The following HDAC5 variants were observed in gnomAD, a reference collection of about 807,000 sequenced individuals.
HDAC5 encodes the protein antigen NY-CO-9.
A neutral mutation model predicts 133.3 loss-of-function variants in HDAC5; 25 were observed. The ratio of observed to expected loss-of-function variants is 0.19; its 90% CI spans 0.14 to 0.26. The LOEUF (loss-of-function observed/expected upper bound fraction) is 0.26, where lower values mean the gene tolerates loss of function less well. Ranked by LOEUF, HDAC5 falls within the 10% of genes least tolerant of loss-of-function variation. The pLI is 1.00. For missense variants in HDAC5, 1,041 were observed against 1,460.5 expected (o/e 0.71, Z 4.68); for synonymous variants, 589 against 610.8 (o/e 0.96, Z 0.53).
In HDAC5 at chr17:44,076,928, A is replaced by G. The variant is rs1018323727; in HGVS notation, c.*1448T>C. On this transcript the variant is annotated 3_prime_UTR_variant, in exon 27 of 27. Coordinates refer to ENST00000682912, the MANE Select transcript of HDAC5 (RefSeq NM_005474.5). ...CGGGAGCCTGGGGCTCAGCACAGAG[A>G]GGCCTAGTACACTGAGCCTGGCCCC... 6.3e-6 allele frequency: 1 copy of G among 157,790 alleles called. No individual in the cohort carries two copies. Among genetic ancestry groups the G allele is most frequent in the Non-Finnish European group, 1.4e-5 (1 of 71,288 alleles). The allele number at this position is 157,790 out of a possible 1,614,324, so 9.8% of individuals were successfully genotyped here. A position where few individuals can be genotyped will look rare whatever the true frequency, so the allele number is the denominator to read the frequency against.
At chr17:44,107,115 T>G (rs2052003450) in intron 3 of HDAC5, among the ~76,000 whole-genome samples, 1 of 152,102 alleles carries the variant, frequency 6.6e-6, no homozygotes, top group Non-Finnish European at 1.5e-5. Context: ...TGATTAATTT[T>G]TTTTTTTACA....
At chr17:44,103,185 C>T (rs114120692) in intron 3 of HDAC5, among the ~76,000 whole-genome samples, 2,319 of 152,244 alleles carry the variant, frequency 0.015, 77 homozygotes, top group African/African-American at 0.052. Flanking sequence ...ATTTCACACC[C>T]TGAGCCCATG....
chr17:44,108,825 G>A (rs1029264330), intron 3 of HDAC5, among the ~76,000 whole-genome samples: 3 of 149,496 alleles, frequency 2.0e-5, no homozygotes, highest in Non-Finnish European at 3.0e-5. Context: ...CCCTAGCCGC[G>A]TCACAGACAC....
intron 3 of HDAC5, among the ~76,000 whole-genome samples, chr17:44,100,442 TATAAAA>T (rs2051523131): frequency 6.6e-6 from 1 of 151,490 alleles, no homozygotes; most frequent in South Asian, 2.1e-4. Flanking sequence ...ATAAAATAAA[TATAAAA>T]ATAAGGCCAG....
At position 44,090,892 on chromosome 17, in the gene HDAC5, T is replaced by C. The variant is rs561904851; in HGVS notation, c.1387+378A>G. Among the ~76,000 whole-genome samples, 118 of 152,170 alleles carry C rather than the reference T, an allele frequency of 7.8e-4. 1 individual carries two copies. The highest frequency in any genetic ancestry group is 1.0e-4 in the Non-Finnish European group (7 of 67,986). On this transcript the variant is annotated intron_variant, in intron 11 of 26. Transcript: ENST00000682912. ...TTTTAGTAGAGACGGGGTTTCACCA[T>C]GTTAGCCAGAATGGTCTCAATCTCC...
Position 44,078,299 on chromosome 17 carries a change from T to C in HDAC5, c.*77A>G. ...GACCCACACGGCACACCTTGTTGAA[T>C]GTGTGACTTTTTGTTTTTAATAGAA... On this transcript the variant is annotated 3_prime_UTR_variant, in exon 27 of 27. Coordinates refer to ENST00000682912, the MANE Select transcript of HDAC5 (RefSeq NM_005474.5). The C allele has an allele frequency of 1.4e-6, 2 of 1,407,394 alleles. No individual in the cohort carries two copies. The highest frequency in any genetic ancestry group is 3.0e-5 in the South Asian group (2 of 66,156). The allele number at this position is 1,407,394 out of a possible 1,614,324, so 87.2% of individuals were successfully genotyped here.
chr17:44,111,980 A>G (rs1249933565), intron 2 of HDAC5, among the ~76,000 whole-genome samples: 1 of 152,082 alleles, frequency 6.6e-6, no homozygotes, highest in Non-Finnish European at 1.5e-5. Context: ...CATATACATC[A>G]TCTCATTAAT....
intron 3 of HDAC5, among the ~76,000 whole-genome samples, chr17:44,107,117 T>G (rs2052003633): frequency 6.6e-6 from 1 of 152,002 alleles, no homozygotes; most frequent in South Asian, 2.1e-4. Flanking sequence ...ATTAATTTTT[T>G]TTTTTACATT....
At position 44,117,745 on chromosome 17, in the gene HDAC5, G is replaced by A. The variant is rs528879346; in HGVS notation, c.-189-41C>T. 9.0e-5 allele frequency: 54 copies of A among 600,514 alleles called. No homozygotes were observed. In the African/African-American group the frequency reaches 9.1e-4, roughly 10 times the overall value. 37.2% of individuals were successfully genotyped at this position (600,514 alleles called of 1,614,324 possible). A position where few individuals can be genotyped will look rare whatever the true frequency, so the allele number is the denominator to read the frequency against. ...GCAGGGTTAGAGGCCCCTAACTCAGGAATCTGAGAGTCGAAGGAGACCTTG... is the reference window on the plus strand; with the variant it reads ...GCAGGGTTAGAGGCCCCTAACTCAGAAATCTGAGAGTCGAAGGAGACCTTG... On this transcript the variant is annotated intron_variant, in intron 1 of 26. Coordinates refer to ENST00000682912, the MANE Select transcript of HDAC5 (RefSeq NM_005474.5). This position sits in a 1 kb window ranked among gnomAD's most constrained non-coding sequence, Gnocchi z 4.2.
chr17:44,096,224 C>T (rs976120972), intron 3 of HDAC5, among the ~76,000 whole-genome samples: 1 of 152,118 alleles, frequency 6.6e-6, no homozygotes, highest in African/African-American at 2.4e-5. Context: ...ATTCCTGTTT[C>T]TCTTCTACTT....
At chr17:44,114,173 G>C (rs560719258) in intron 2 of HDAC5, among the ~76,000 whole-genome samples, 6 of 152,378 alleles carry the variant, frequency 3.9e-5, no homozygotes, top group Admixed American at 2.0e-4. Context: ...TGGAATGATA[G>C]AGCAGGGAAG....
chr17:44,093,449 CCTG>C lies in HDAC5; in HGVS notation c.388_390del (p.Gln130del). Reference sequence around the variant, plus strand: ...TGCTGCCGCTTGGCTGCCAGCATCTCCTGCTGCTGCTTGGCTGCCAGCATCTCC... The same window carrying C: ...TGCTGCCGCTTGGCTGCCAGCATCTCCTGCTGCTTGGCTGCCAGCATCTCC... On this transcript the variant is annotated inframe_deletion, in exon 5 of 27. Transcript: ENST00000682912. The C allele has an allele frequency of 6.2e-7, 1 of 1,605,154 alleles. No individual in the cohort carries two copies. Among genetic ancestry groups the C allele is most frequent in the South Asian group, 1.1e-5 (1 of 90,652 alleles).
chr17:44,118,868 GATTA>G, intron 1 of HDAC5, among the ~76,000 whole-genome samples: 1 of 152,314 alleles, frequency 6.6e-6, no homozygotes. Flanking sequence ...CTCCTGGCAG[GATTA>G]ATTCTCAGTA....
intron 14 of HDAC5, among the ~76,000 whole-genome samples, chr17:44,086,284 C>T (rs1407617309): frequency 1.3e-5 from 2 of 152,196 alleles, no homozygotes; most frequent in African/African-American, 2.4e-5. Flanking sequence ...GGTAGAAGGT[C>T]AGGGCCCAAC....
At chr17:44,111,005 G>A in intron 2 of HDAC5, 1 of 573,242 alleles carries the variant, frequency 1.7e-6, no homozygotes, top group East Asian at 3.0e-5. Flanking sequence ...GCCTCATCCG[G>A]CCTGGGCACT....
chr17:44,099,749 C>A (rs2051476494), intron 3 of HDAC5, among the ~76,000 whole-genome samples: 1 of 152,120 alleles, frequency 6.6e-6, no homozygotes, highest in South Asian at 2.1e-4. Context: ...GCCAGGATTA[C>A]CAGCGTGAGC....
chr17:44,079,879 G>A (rs192530275), intron 23 of HDAC5, among the ~76,000 whole-genome samples: 149 of 152,126 alleles, frequency 9.8e-4, no homozygotes, highest in African/African-American at 3.3e-3. Context: ...CTACAGCTCC[G>A]GCAGGATACA....
Position 44,078,429 on chromosome 17 carries a change from A to G in HDAC5, c.3330-14T>C, listed in dbSNP as rs2050213103. ...TCCTCTGCCGGCCTGTGGGGCAAGC[A>G]CAGGGGAGGGTATTGAGTGGGGCGC... On this transcript the variant is annotated splice_polypyrimidine_tract_variant and intron_variant, in intron 26 of 26. Transcript: ENST00000682912. 2 of 1,546,254 alleles carry G rather than the reference A, an allele frequency of 1.3e-6. No individual in the cohort carries two copies. Among genetic ancestry groups the G allele is most frequent in the Non-Finnish European group, 1.7e-6 (2 of 1,143,898 alleles).
intron 3 of HDAC5, among the ~76,000 whole-genome samples, chr17:44,102,747 A>G (rs889122288): frequency 1.2e-4 from 17 of 144,380 alleles, no homozygotes; most frequent in Admixed American, 1.4e-4. Context: ...GGTCACTGCA[A>G]CCTCCGCCTC....
Sources: gnomAD v4.1 joint callset for allele counts (sites outside exome capture counted in the v4.1 genomes callset) on GRCh38, gnomAD v4.1.1 for gene constraint, Gnocchi (gnomAD v3.1) non-coding constraint, MANE v1.5 for transcripts, NCBI Gene and HGNC (gene_info 2026-07-23, HGNC 2026-07-21) for gene names.